ADGRB3: variants seen among roughly 807,000 people sequenced by gnomAD.
ADGRB3 encodes brain-specific angiogenesis inhibitor 3.
Under a neutral mutation model 193.4 loss-of-function variants are expected in ADGRB3, and 37 were observed. That is an observed-to-expected ratio of 0.19 (90% CI 0.15 to 0.25). ADGRB3 has a LOEUF of 0.25. Ranked by LOEUF, ADGRB3 falls within the 10% of genes least tolerant of loss-of-function variation. ADGRB3 has a pLI of 1.00. For missense variants in ADGRB3, 1,637 were observed against 1,852.9 expected, an observed-to-expected ratio of 0.88 and a Z score of 2.14; for synonymous variants, 690 against 644.2, an observed-to-expected ratio of 1.07 and a Z score of -1.08.
chr6:68,830,888 C>T (rs1011965496), intron 3 of ADGRB3, among the ~76,000 whole-genome samples: 3 of 151,176 alleles, frequency 2.0e-5, no homozygotes, highest in Non-Finnish European at 2.9e-5. Flanking sequence ...TTTGGGAAAA[C>T]CCCACCTGCC....
chr6:69,304,442 C>A (rs1220045411), intron 20 of ADGRB3, among the ~76,000 whole-genome samples: 1 of 151,712 alleles, frequency 6.6e-6, no homozygotes, highest in South Asian at 2.1e-4. Context: ...AGTCTGCCTA[C>A]TAGTAGTAAG....
At chr6:69,032,105 A>G (rs1255463460) in intron 13 of ADGRB3, among the ~76,000 whole-genome samples, 1 of 152,138 alleles carries the variant, frequency 6.6e-6, no homozygotes, top group East Asian at 1.9e-4. Context: ...AATAGGATTG[A>G]GCAAAAAGAC....
chr6:69,194,550 T>C (rs1344347613), intron 17 of ADGRB3, among the ~76,000 whole-genome samples: 1 of 152,172 alleles, frequency 6.6e-6, no homozygotes. Flanking sequence ...TGCGTGAGAA[T>C]GGGCTTGAAA....
intron 3 of ADGRB3, among the ~76,000 whole-genome samples, chr6:68,881,904 T>C (rs1049669965): frequency 6.6e-5 from 10 of 152,240 alleles, no homozygotes; most frequent in African/African-American, 2.4e-4. Flanking sequence ...ACCATAATTA[T>C]AGTTTTTATT....
chr6:69,350,790 G>A (rs941421916), intron 26 of ADGRB3, among the ~76,000 whole-genome samples: 1 of 150,782 alleles, frequency 6.6e-6, no homozygotes, highest in Non-Finnish European at 1.5e-5. Context: ...TTTATTTTTT[G>A]CGTTTTCTGC....
intron 3 of ADGRB3, among the ~76,000 whole-genome samples, chr6:68,927,163 G>A (rs941186169): frequency 1.8e-4 from 28 of 152,190 alleles, no homozygotes; most frequent in Admixed American, 3.9e-4. Flanking sequence ...TGTACCATGT[G>A]TACATACATA....
intron 17 of ADGRB3, among the ~76,000 whole-genome samples, chr6:69,178,146 G>C (rs1775479555): frequency 6.6e-6 from 1 of 152,114 alleles, no homozygotes; most frequent in Non-Finnish European, 1.5e-5. Context: ...TGGAATATAT[G>C]CATCTTTTGT....
At chr6:69,341,786 G>A (rs566705862) in intron 26 of ADGRB3, among the ~76,000 whole-genome samples, 23 of 152,214 alleles carry the variant, frequency 1.5e-4, no homozygotes, top group Non-Finnish European at 2.9e-4. Flanking sequence ...CACATAATAT[G>A]TTTTTGATTG....
chr6:69,374,572 C>T (rs1299268242), intron 30 of ADGRB3, among the ~76,000 whole-genome samples: 2 of 152,002 alleles, frequency 1.3e-5, no homozygotes, highest in Non-Finnish European at 2.9e-5. Flanking sequence ...CTCATATATC[C>T]CTAAAACTCT....
intron 31 of ADGRB3, among the ~76,000 whole-genome samples, chr6:69,387,315 G>A (rs966379975): frequency 3.3e-5 from 5 of 152,022 alleles, no homozygotes; most frequent in Admixed American, 1.3e-4. Flanking sequence ...AGCAGAGAGG[G>A]AGAGAGGAAA....
chr6:69,041,071 G>A (rs1040051972), intron 13 of ADGRB3, among the ~76,000 whole-genome samples: 1 of 152,198 alleles, frequency 6.6e-6, no homozygotes, highest in Non-Finnish European at 1.5e-5. Flanking sequence ...CTCGGGCACT[G>A]TGGTCCTTGG....
intron 20 of ADGRB3, among the ~76,000 whole-genome samples, chr6:69,306,289 A>G (rs1286593144): frequency 7.7e-6 from 1 of 129,454 alleles, no homozygotes; most frequent in Non-Finnish European, 1.6e-5. Flanking sequence ...ATATATTGCC[A>G]TATAACATGT....
chr6:69,228,018 G>A (rs1766055687), intron 17 of ADGRB3, among the ~76,000 whole-genome samples: 3 of 152,186 alleles, frequency 2.0e-5, no homozygotes. Flanking sequence ...CACTTTGGGA[G>A]GCCAAGGCAG....
In ADGRB3 at chr6:69,115,221, C is replaced by T. The variant is rs571627890; in HGVS notation, c.2480+39183C>T. Among the ~76,000 whole-genome samples the T allele has an allele frequency of 3.7e-4, 57 of 152,138 alleles. 1 individual carries two copies. The Middle Eastern group carries it at 0.01, about 27-fold the overall frequency. ...AAATTCCCATCAATGACAGACTGGA[C>T]AAAGAAAATGTGGCACATATATACC... On this transcript the variant is annotated intron_variant, in intron 17 of 31. Transcript: ENST00000370598.
chr6:68,953,929 A>G (rs1040925685), intron 6 of ADGRB3, among the ~76,000 whole-genome samples: 5 of 152,246 alleles, frequency 3.3e-5, no homozygotes, highest in Non-Finnish European at 7.3e-5. Context: ...CAAATTGACT[A>G]AGAACAATGA....
chr6:68,656,879 A>G (rs1206309675), intron 3 of ADGRB3, among the ~76,000 whole-genome samples: 10 of 151,568 alleles, frequency 6.6e-5, no homozygotes, highest in East Asian at 1.9e-4. Flanking sequence ...AATAGAAATC[A>G]TATCTATTCT....
At chr6:69,289,558 A>G (rs1393184499) in intron 20 of ADGRB3, among the ~76,000 whole-genome samples, 1 of 152,136 alleles carries the variant, frequency 6.6e-6, no homozygotes, top group Non-Finnish European at 1.5e-5. Flanking sequence ...CCCACTAGTT[A>G]CATGGCCCTA....
intron 17 of ADGRB3, among the ~76,000 whole-genome samples, chr6:69,190,610 A>G (rs552723523): frequency 2.2e-3 from 336 of 152,194 alleles, no homozygotes; most frequent in African/African-American, 7.6e-3. Flanking sequence ...ATTATTTTTC[A>G]TAAATTTAGC....
intron 3 of ADGRB3, among the ~76,000 whole-genome samples, chr6:68,793,641 G>T (rs986738699): frequency 3.9e-5 from 6 of 152,076 alleles, no homozygotes; most frequent in African/African-American, 1.4e-4. Context: ...TGATTCTCCT[G>T]CTTCAGCCTC....
Sources: allele counts gnomAD v4.1 joint callset (sites outside exome capture counted in the v4.1 genomes callset), GRCh38; gene constraint gnomAD v4.1.1; transcripts MANE v1.5; gene names NCBI Gene and HGNC (gene_info 2026-07-23, HGNC 2026-07-21).